PALM2AKAP2: variants seen among roughly 807,000 people sequenced by gnomAD.
PALM2AKAP2 encodes the protein PALM2 and AKAP2 fusion.
A neutral mutation model predicts 71.5 loss-of-function variants in PALM2AKAP2; 37 were observed. The ratio of observed to expected loss-of-function variants is 0.52; its 90% CI spans 0.40 to 0.68. PALM2AKAP2 has a LOEUF of 0.68. Among genes scored for constraint, PALM2AKAP2 ranks in the 30% least tolerant of loss-of-function variants. The probability of loss-of-function intolerance (pLI) is 0.00; values close to 1 mark genes in which losing one functional copy is unlikely to be tolerated. For synonymous variants in PALM2AKAP2, 468 were observed against 478.8 expected (o/e 0.98, Z 0.29); for missense variants, 1,224 against 1,191.8 (o/e 1.03, Z -0.40).
chr9:109,896,837 A>T (rs1830215019), intron 3 of PALM2AKAP2, among the ~76,000 whole-genome samples: 1 of 152,176 alleles, frequency 6.6e-6, no homozygotes, highest in Admixed American at 6.5e-5. Flanking sequence ...ATTTAATTTA[A>T]ATGTTCGAAA....
chr9:109,819,255 T>A, intron 1 of PALM2AKAP2, among the ~76,000 whole-genome samples: 1 of 152,362 alleles, frequency 6.6e-6, no homozygotes, highest in East Asian at 1.9e-4. Context: ...ACTAAATTTA[T>A]TCAAGACATA....
intron 6 of PALM2AKAP2, among the ~76,000 whole-genome samples, chr9:109,975,060 GCACACA>G (rs35855395): frequency 2.1e-4 from 32 of 149,424 alleles, no homozygotes; most frequent in African/African-American, 6.6e-4. Flanking sequence ...ATCTGCACGT[GCACACA>G]CACACACACA....
chr9:110,122,356 A>G lies in PALM2AKAP2; in HGVS notation c.157-13771A>G, dbSNP rs569149388. Among the ~76,000 whole-genome samples, 215 of 152,214 alleles carry G rather than the reference A, an allele frequency of 1.4e-3. 1 individual carries two copies. The highest frequency in any genetic ancestry group is 6.0e-4 in the Non-Finnish European group (41 of 68,030). ...CTTCAGATTTTTTTCTTTTATTTGC[A>G]TTAGCCCAAACGCTTCTTGGGTCTG... On this transcript the variant is annotated intron_variant, in intron 1 of 3. Coordinates refer to ENST00000374525, the Ensembl canonical transcript of PALM2AKAP2.
chr9:109,770,643 C>A (rs1215004303), intron 1 of PALM2AKAP2, among the ~76,000 whole-genome samples: 1 of 152,202 alleles, frequency 6.6e-6, no homozygotes, highest in African/African-American at 2.4e-5. Context: ...CAAGAACATT[C>A]ATGAGCAAAT....
intron 7 of PALM2AKAP2, among the ~76,000 whole-genome samples, chr9:110,016,906 GTCTC>G (rs1418422381): frequency 6.6e-6 from 1 of 151,964 alleles, no homozygotes; most frequent in Non-Finnish European, 1.5e-5. Flanking sequence ...TTGAGACGGA[GTCTC>G]TCTCTTTTGC....
chr9:109,990,887 G>A (rs1832468032), intron 6 of PALM2AKAP2, among the ~76,000 whole-genome samples: 1 of 152,248 alleles, frequency 6.6e-6, no homozygotes, highest in Admixed American at 6.5e-5. Context: ...AGACAACGTT[G>A]AGAGGCTTTT....
chr9:109,920,004 G>A (rs1477913239), intron 3 of PALM2AKAP2, among the ~76,000 whole-genome samples: 1 of 152,148 alleles, frequency 6.6e-6, no homozygotes, highest in Admixed American at 6.5e-5. Flanking sequence ...TAGGGCCAGG[G>A]CACACTGTGC....
chr9:109,924,163 A>G (rs1210231831), intron 4 of PALM2AKAP2, among the ~76,000 whole-genome samples: 1 of 152,196 alleles, frequency 6.6e-6, no homozygotes, highest in African/African-American at 2.4e-5. Flanking sequence ...CTAGAATTCT[A>G]AAACCAATTC....
chr9:109,687,070 T>C (rs376527873), intron 1 of PALM2AKAP2, among the ~76,000 whole-genome samples: 1 of 152,274 alleles, frequency 6.6e-6, no homozygotes, highest in South Asian at 2.1e-4. Flanking sequence ...CTTAATCCAG[T>C]ATATCATTGT....
chr9:109,830,058 G>A (rs1469293420), intron 1 of PALM2AKAP2, among the ~76,000 whole-genome samples: 1 of 152,158 alleles, frequency 6.6e-6, no homozygotes, highest in Non-Finnish European at 1.5e-5. Flanking sequence ...CTTTCAAGAT[G>A]CAGGTATGTT....
chr9:109,747,471 TTA>T (rs1828820315), intron 1 of PALM2AKAP2, among the ~76,000 whole-genome samples: 1 of 152,190 alleles, frequency 6.6e-6, no homozygotes, highest in South Asian at 2.1e-4. Flanking sequence ...TGATATAAAA[TTA>T]TATATACTCA....
intron 1 of PALM2AKAP2, among the ~76,000 whole-genome samples, chr9:110,113,174 T>G (rs751939938): frequency 1.5e-4 from 23 of 152,246 alleles, no homozygotes; most frequent in Non-Finnish European, 3.1e-4. Context: ...CTTTGCTGTT[T>G]CTGTTTTATC....
At chr9:109,697,603 C>A (rs552007482) in intron 1 of PALM2AKAP2, among the ~76,000 whole-genome samples, 9 of 152,166 alleles carry the variant, frequency 5.9e-5, no homozygotes, top group Admixed American at 1.3e-4. Context: ...TATCATTTAT[C>A]AGAAATATTT....
Position 109,941,181 on chromosome 9 carries a change from C to T in PALM2AKAP2, c.496+9153C>T, listed in dbSNP as rs369333244. ...TTTTTTTTTTTTTTAAAGAAACAACCCTTTACAAGTGTAAAACCACTCTTA... is the reference window on the plus strand; with the variant it reads ...TTTTTTTTTTTTTTAAAGAAACAACTCTTTACAAGTGTAAAACCACTCTTA... On this transcript the variant is annotated intron_variant, in intron 6 of 9. Transcript: ENST00000302798. Among the ~76,000 whole-genome samples the T allele has an allele frequency of 6.3e-5, 9 of 143,970 alleles. No homozygotes were observed. In the East Asian group the frequency reaches 1.2e-3, roughly 19 times the overall value. 94.4% of individuals were successfully genotyped at this position (143,970 alleles called of 152,430 possible).
chr9:109,830,857 A>G (rs1418351095), intron 1 of PALM2AKAP2, among the ~76,000 whole-genome samples: 1 of 152,148 alleles, frequency 6.6e-6, no homozygotes, highest in Non-Finnish European at 1.5e-5. Flanking sequence ...CGAAGTCTAC[A>G]CTAGAATCCA....
chr9:109,832,824 T>A (rs1828341253), intron 1 of PALM2AKAP2, among the ~76,000 whole-genome samples: 1 of 152,102 alleles, frequency 6.6e-6, no homozygotes, highest in African/African-American at 2.4e-5. Flanking sequence ...AAAATGCAAA[T>A]CTCTGAGCCC....
chr9:110,065,339 C>T (rs1287888042), intron 1 of PALM2AKAP2, among the ~76,000 whole-genome samples: 1 of 152,086 alleles, frequency 6.6e-6, no homozygotes, highest in Non-Finnish European at 1.5e-5. Flanking sequence ...AGCGATACTC[C>T]CACCTCAGCC....
chr9:109,692,491 G>C (rs1827913224), intron 1 of PALM2AKAP2, among the ~76,000 whole-genome samples: 1 of 151,988 alleles, frequency 6.6e-6, no homozygotes, highest in Admixed American at 6.6e-5. Context: ...TGGCAGTGGT[G>C]AGAGCAAGCA....
At chr9:109,936,341 T>C (rs1831216791) in intron 6 of PALM2AKAP2, among the ~76,000 whole-genome samples, 1 of 152,210 alleles carries the variant, frequency 6.6e-6, no homozygotes, top group African/African-American at 2.4e-5. Flanking sequence ...TCTAACTATA[T>C]TTTTGAAGTT....
Sources: gnomAD v4.1 joint callset for allele counts (sites outside exome capture counted in the v4.1 genomes callset) on GRCh38, gnomAD v4.1.1 for gene constraint, MANE v1.5 for transcripts, NCBI Gene and HGNC (gene_info 2026-07-23, HGNC 2026-07-21) for gene names.